The following PPP1R18 variants were observed in gnomAD, a reference collection of about 807,000 sequenced individuals.
PPP1R18 encodes phostensin.
Under a neutral mutation model 54.8 loss-of-function variants are expected in PPP1R18, and 31 were observed. That is an observed-to-expected ratio of 0.57 (90% CI 0.43 to 0.76). The LOEUF (loss-of-function observed/expected upper bound fraction) is 0.76. PPP1R18 is among the 30% of genes least tolerant of loss of function. PPP1R18 has a pLI of 0.00. For missense variants in PPP1R18, 685 were observed against 776.1 expected, an observed-to-expected ratio of 0.88 and a Z score of 1.39; for synonymous variants, 310 against 320.2, an observed-to-expected ratio of 0.97 and a Z score of 0.34.
Position 30,685,560 on chromosome 6 carries a change from C to T in PPP1R18, c.459G>A (p.Arg153=), listed in dbSNP as rs776625363. 3.7e-6 allele frequency: 6 copies of T among 1,613,016 alleles called. No individual in the cohort carries two copies. In the South Asian group the frequency reaches 5.5e-5, roughly 15 times the overall value. The stretch of plus-strand genomic sequence containing the variant: ...ACTCTTGGGCTCCCCCTATCCCCAG[C>T]CTCCTCTCTCTGGTCTCCCTCGGAC... ...RLSPRETRER[R]LGIGGAQELS... is the part of the protein sequence containing the mutation. Residue 153 remains arginine (R), a synonymous_variant, in exon 1 of 3, where the codon AGG becomes AGA. Transcript: ENST00000274853. The surrounding 1 kb of genome is among the most constrained non-coding windows in gnomAD (Gnocchi z 5.0).
chr6:30,685,773 G>C lies in PPP1R18; in HGVS notation c.246C>G (p.Ile82Met). The change falls in exon 1 of 3, where the codon ATC becomes ATG. Residue 82 changes from isoleucine (I) to methionine (M), a missense_variant. By Grantham distance (10) the Ile-to-Met change is conservative. Transcript: ENST00000274853. This position sits in a 1 kb window ranked among gnomAD's most constrained non-coding sequence, Gnocchi z 5.0. ...TGAATCGGTTCTGGTGCACTGGCCC[G>C]ATGGCCTCCAGAAGGACCGCAGACT... ...PDESAVLLEA[I>M]GPVHQNRFIR... 6.2e-7 allele frequency: 1 copy of C among 1,613,026 alleles called. No homozygotes were observed. Among genetic ancestry groups the C allele is most frequent in the Non-Finnish European group, 8.5e-7 (1 of 1,179,994 alleles).
Position 30,684,588 on chromosome 6 carries a change from C to T in PPP1R18, c.1431G>A (p.Arg477=). 6.2e-7 allele frequency: 1 copy of T among 1,601,086 alleles called. No homozygotes were observed. Residue 477 remains arginine, a synonymous_variant, in exon 1 of 3, where the codon CGG becomes CGA. Transcript: ENST00000274853. This position sits in a 1 kb window ranked among gnomAD's most constrained non-coding sequence, Gnocchi z 6.0. The part of the protein sequence containing the change: ...RSGHTFTVNP[R]RSVPPATPAT... ...CTGGGGTCGCAGGGGGCACAGACCGCCGGGGGTTGACGGTGAAGGTGTGTC... is the reference window on the plus strand; with the variant it reads ...CTGGGGTCGCAGGGGGCACAGACCGTCGGGGGTTGACGGTGAAGGTGTGTC...
At chr6:30,679,471 CG>C (rs1042709554) in intron 1 of PPP1R18, 82 bp from the exon 2 acceptor site, 22 of 35,026 alleles carry the variant, frequency 6.3e-4, no homozygotes, top group Non-Finnish European at 9.1e-4. Context: ...AAAGCGGGGG[CG>C]GGGGGGGCGG....
chr6:30,679,399 G>T lies in PPP1R18; in HGVS notation c.1612-10C>A. On this transcript the variant is annotated splice_polypyrimidine_tract_variant and intron_variant, in intron 1 of 2. Coordinates refer to ENST00000274853, the MANE Select transcript of PPP1R18 (RefSeq NM_133471.4). ...TGAAGGAGATCTTAAGCTGAAGGAG[G>T]GAGAAAAAGGGGGCAGGAGGCAAGG... 6.3e-7 allele frequency: 1 copy of T among 1,585,926 alleles called. No individual in the cohort carries two copies. The highest frequency in any genetic ancestry group is 8.6e-7 in the Non-Finnish European group (1 of 1,168,218).
At chr6:30,682,674 G>A (rs1770617032) in intron 1 of PPP1R18, among the ~76,000 whole-genome samples, 1 of 150,812 alleles carries the variant, frequency 6.6e-6, no homozygotes, top group Non-Finnish European at 1.5e-5. Flanking sequence ...AGATCTGGCA[G>A]GCCCAGGGCC....
chr6:30,678,248 C>G (rs2127604763), intron 2 of PPP1R18, among the ~76,000 whole-genome samples: 2 of 151,782 alleles, frequency 1.3e-5, no homozygotes, highest in South Asian at 4.2e-4. Context: ...CTTTGTTGCC[C>G]AGGCTGGAGT....
intron 2 of PPP1R18, among the ~76,000 whole-genome samples, chr6:30,677,825 C>T (rs1024264293): frequency 1.3e-5 from 2 of 151,826 alleles, no homozygotes; most frequent in African/African-American, 4.8e-5. Context: ...CCAGTCCAGG[C>T]GACAGAGGGA....
chr6:30,681,097 A>G (rs1770527388), intron 1 of PPP1R18, among the ~76,000 whole-genome samples: 1 of 151,336 alleles, frequency 6.6e-6, no homozygotes, highest in Admixed American at 6.6e-5. Context: ...AAAAAAAAAA[A>G]AAAAAAAGTC....
Position 30,676,845 on chromosome 6 carries a change from A to C in PPP1R18, c.*424T>G, listed in dbSNP as rs1562014969. ...GGGGCAGTGACCTAGGAAATGAAGG[A>C]GATGTGCCTATAAATGGAGTGGGGT... On this transcript the variant is annotated 3_prime_UTR_variant, in exon 3 of 3. Coordinates refer to ENST00000274853, the MANE Select transcript of PPP1R18 (RefSeq NM_133471.4). 1 of 293,856 alleles carries C rather than the reference A, an allele frequency of 3.4e-6. No individual in the cohort carries two copies. The allele number at this position is 293,856 out of a possible 1,614,324, so 18.2% of individuals were successfully genotyped here. A position where few individuals can be genotyped will look rare whatever the true frequency, so the allele number is the denominator to read the frequency against.
At chr6:30,681,478 T>G (rs2127609172) in intron 1 of PPP1R18, among the ~76,000 whole-genome samples, 1 of 152,180 alleles carries the variant, frequency 6.6e-6, no homozygotes, top group African/African-American at 2.4e-5. Flanking sequence ...TGAAAGGAGC[T>G]TGGGGCCGGG....
At chr6:30,680,448 G>T (rs948436794) in intron 1 of PPP1R18, among the ~76,000 whole-genome samples, 1 of 152,104 alleles carries the variant, frequency 6.6e-6, no homozygotes, top group Non-Finnish European at 1.5e-5. Flanking sequence ...GGGGTCAGCC[G>T]TACATCCCTG....
chr6:30,680,111 A>G (rs1770455849), intron 1 of PPP1R18, among the ~76,000 whole-genome samples: 1 of 152,158 alleles, frequency 6.6e-6, no homozygotes, highest in Non-Finnish European at 1.5e-5. Context: ...GGGGGAGATG[A>G]CAAGGGCAGA....
At chr6:30,680,475 G>A (rs1770481400) in intron 1 of PPP1R18, among the ~76,000 whole-genome samples, 1 of 152,128 alleles carries the variant, frequency 6.6e-6, no homozygotes, top group Admixed American at 6.6e-5. Context: ...CTAATGAACT[G>A]AGGTATGAAA....
Position 30,684,888 on chromosome 6 carries a change from C to A in PPP1R18, c.1131G>T (p.Glu377Asp), listed in dbSNP as rs1376018971. Residue 377 changes from glutamate (E) to aspartate (D), a missense_variant, in exon 1 of 3, where the codon GAG becomes GAT. By Grantham distance (45) the Glu-to-Asp change is conservative. Coordinates refer to ENST00000274853, the MANE Select transcript of PPP1R18 (RefSeq NM_133471.4). This position sits in a 1 kb window ranked among gnomAD's most constrained non-coding sequence, Gnocchi z 6.0. ...ESPGVEAGEG[E>D]AEKEEAGAQG... ...GAGCCCCCGCCTCCTCCTTCTCAGC[C>A]TCCCCTTCTCCAGCCTCCACACCGG... The A allele has an allele frequency of 6.2e-7, 1 of 1,612,824 alleles. No homozygotes were observed. Among genetic ancestry groups the A allele is most frequent in the Non-Finnish European group, 8.5e-7 (1 of 1,180,046 alleles).
Position 30,686,173 on chromosome 6 carries a change from T to G in PPP1R18, c.-155A>C. 2 of 704,724 alleles carry G rather than the reference T, an allele frequency of 2.8e-6. No homozygotes were observed. Among genetic ancestry groups the G allele is most frequent in the South Asian group, 1.9e-5 (1 of 51,422 alleles). The allele number at this position is 704,724 out of a possible 1,614,324, so 43.7% of individuals were successfully genotyped here. A position where few individuals can be genotyped will look rare whatever the true frequency, so the allele number is the denominator to read the frequency against. ...CAAAGCAGGGCAGAGGGGCTAAGGA[T>G]GAGGACAGAGGGAAAGACGGAAGGC... On this transcript the variant is annotated 5_prime_UTR_variant, in exon 1 of 3. Coordinates refer to ENST00000274853, the MANE Select transcript of PPP1R18 (RefSeq NM_133471.4).
At chr6:30,681,850 G>A (rs1339421265) in intron 1 of PPP1R18, among the ~76,000 whole-genome samples, 1 of 152,192 alleles carries the variant, frequency 6.6e-6, no homozygotes, top group Non-Finnish European at 1.5e-5. Flanking sequence ...CTCACATGAG[G>A]TGCCATCAGA....
rs1465308714 is a variant in PPP1R18 at position 30,676,779 on chromosome 6, C to T, written c.*490G>A. ...GCTGGGAGCTGATGGAATTTGTAAA[C>T]CAGGCTGTGGTCAAGGGAGGAGGCA... On this transcript the variant is annotated 3_prime_UTR_variant, in exon 3 of 3. Transcript: ENST00000274853. 1 of 237,184 alleles carries T rather than the reference C, an allele frequency of 4.2e-6. No homozygotes were observed. The highest frequency in any genetic ancestry group is 6.3e-5 in the Admixed American group (1 of 15,882). The allele number at this position is 237,184 out of a possible 1,614,324, so 14.7% of individuals were successfully genotyped here.
intron 1 of PPP1R18, among the ~76,000 whole-genome samples, chr6:30,682,940 C>T (rs1026924896): frequency 2.0e-5 from 3 of 152,202 alleles, no homozygotes; most frequent in Non-Finnish European, 4.4e-5. Context: ...TTTCTGAACA[C>T]CTCACCCGGG....
chr6:30,678,726 T>A (rs1770350667), intron 2 of PPP1R18, among the ~76,000 whole-genome samples: 1 of 152,138 alleles, frequency 6.6e-6, no homozygotes. Flanking sequence ...GATTTTGCCA[T>A]GTTGCCCAGG....
Sources: allele counts gnomAD v4.1 joint callset (sites outside exome capture counted in the v4.1 genomes callset), GRCh38; gene constraint gnomAD v4.1.1; non-coding constraint Gnocchi (gnomAD v3.1); transcripts MANE v1.5; gene names NCBI Gene and HGNC (gene_info 2026-07-23, HGNC 2026-07-21).